The following KCNIP4 variants were observed in gnomAD, a reference collection of about 807,000 sequenced individuals.
KCNIP4 encodes potassium voltage-gated channel interacting protein 4.
Under a neutral mutation model 34.0 loss-of-function variants are expected in KCNIP4, and 12 were observed. The observed-to-expected ratio is 0.35, with a 90% CI of 0.23 to 0.57. KCNIP4 has a LOEUF of 0.57. Among genes scored for constraint, KCNIP4 ranks in the 20% least tolerant of loss-of-function variants. The pLI is 0.83. For synonymous variants in KCNIP4, 124 were observed against 102.2 expected (o/e 1.21, Z -1.29); for missense variants, 238 against 311.7 (o/e 0.76, Z 1.78).
intron 3 of KCNIP4, among the ~76,000 whole-genome samples, chr4:20,796,796 G>C (rs1560470972): frequency 6.6e-6 from 1 of 151,702 alleles, no homozygotes; most frequent in Non-Finnish European, 1.5e-5. Flanking sequence ...GTAATAGATG[G>C]AAAAAAACAG....
intron 1 of KCNIP4, among the ~76,000 whole-genome samples, chr4:20,949,677 C>A (rs992805822): frequency 4.6e-5 from 7 of 151,870 alleles, no homozygotes; most frequent in Admixed American, 1.3e-4. Flanking sequence ...ACTATGCAGC[C>A]ATAAAAAATG....
intron 3 of KCNIP4, among the ~76,000 whole-genome samples, chr4:20,849,272 C>G (rs934342557): frequency 6.6e-6 from 1 of 151,940 alleles, no homozygotes; most frequent in Non-Finnish European, 1.5e-5. Context: ...GGAGAAGAAA[C>G]AAATTTACTC....
intron 1 of KCNIP4, among the ~76,000 whole-genome samples, chr4:21,812,171 G>T (rs929185385): frequency 6.6e-6 from 1 of 152,148 alleles, no homozygotes; most frequent in Non-Finnish European, 1.5e-5. Flanking sequence ...CTTTATTTTA[G>T]ATTATCATCA....
At chr4:20,836,858 C>T (rs1316770679) in intron 3 of KCNIP4, among the ~76,000 whole-genome samples, 2 of 146,414 alleles carry the variant, frequency 1.4e-5, no homozygotes. Context: ...GAGTCTCTTT[C>T]ATAGAGTTCT....
At position 21,186,507 on chromosome 4, in the gene KCNIP4, A is replaced by C. The variant is rs756623743; in HGVS notation, c.62-303798T>G. Among the ~76,000 whole-genome samples, 3 of 152,366 alleles carry C rather than the reference A, an allele frequency of 2.0e-5. No homozygotes were observed. The East Asian group carries it at 5.8e-4, about 29-fold the overall frequency. On this transcript the variant is annotated intron_variant, in intron 1 of 8. Coordinates refer to ENST00000382152, the MANE Select transcript of KCNIP4 (RefSeq NM_025221.6). ...GTATGTCACCTTTTCAAGCATCTCT[A>C]AGTGAAATTGGTTCAGATTCCTAAT... is the stretch of plus-strand genomic sequence containing the variant.
chr4:20,763,829 A>C (rs1451494279), intron 3 of KCNIP4, among the ~76,000 whole-genome samples: 3 of 152,140 alleles, frequency 2.0e-5, no homozygotes, highest in Non-Finnish European at 4.4e-5. Flanking sequence ...AAGTGCTGGG[A>C]TTACAGGTGT....
intron 1 of KCNIP4, among the ~76,000 whole-genome samples, chr4:20,922,548 TCTATCTA>T (rs1184269144): frequency 4.5e-4 from 2 of 4,482 alleles, no homozygotes; most frequent in African/African-American, 2.6e-3. Flanking sequence ...TGTCTGTCTG[TCTATCTA>T]TCTATCTATC....
chr4:20,927,938 T>A (rs1259581348), intron 1 of KCNIP4, among the ~76,000 whole-genome samples: 1 of 152,156 alleles, frequency 6.6e-6, no homozygotes, highest in African/African-American at 2.4e-5. Flanking sequence ...TTTCTAGGGC[T>A]TGTTAATCTT....
At chr4:21,076,044 G>A (rs1340055680) in intron 1 of KCNIP4, among the ~76,000 whole-genome samples, 6 of 152,070 alleles carry the variant, frequency 3.9e-5, no homozygotes, top group African/African-American at 9.7e-5. Flanking sequence ...TGGGTAACCC[G>A]ACCTTTCTCT....
intron 1 of KCNIP4, chr4:21,846,244 T>C (rs1190051185): frequency 6.6e-6 from 1 of 152,098 alleles, no homozygotes; most frequent in Non-Finnish European, 1.5e-5. Context: ...ATTTGTAACA[T>C]AAATTCAATT....
At chr4:20,939,474 A>C (rs1272902623) in intron 1 of KCNIP4, among the ~76,000 whole-genome samples, 1 of 152,050 alleles carries the variant, frequency 6.6e-6, no homozygotes, top group African/African-American at 2.4e-5. Flanking sequence ...CCCAGGTTCA[A>C]GCGATTCTCC....
intron 1 of KCNIP4, among the ~76,000 whole-genome samples, chr4:21,149,917 G>A (rs1752640676): frequency 6.6e-6 from 1 of 152,128 alleles, no homozygotes. Context: ...CACTGTGTTG[G>A]AAATGTCCTT....
intron 1 of KCNIP4, among the ~76,000 whole-genome samples, chr4:21,946,175 T>G (rs1362615933): frequency 1.3e-5 from 2 of 151,918 alleles, no homozygotes; most frequent in African/African-American, 4.8e-5. Flanking sequence ...AGCAAACCAT[T>G]TTTCACAGTG....
chr4:21,668,234 T>TG (rs879761694), intron 1 of KCNIP4, among the ~76,000 whole-genome samples: 61 of 151,708 alleles, frequency 4.0e-4, no homozygotes, highest in Admixed American at 1.1e-3. Flanking sequence ...TATTGGGCAG[T>TG]TGGGGGTGAG....
chr4:21,628,735 TA>T (rs1745506632), intron 1 of KCNIP4, among the ~76,000 whole-genome samples: 1 of 152,176 alleles, frequency 6.6e-6, no homozygotes, highest in Admixed American at 6.6e-5. Context: ...AGTATCTCCC[TA>T]CCAATAATAA....
chr4:21,474,363 G>GA (rs1223836514), intron 1 of KCNIP4, among the ~76,000 whole-genome samples: 1 of 152,054 alleles, frequency 6.6e-6, no homozygotes, highest in Admixed American at 6.5e-5. Flanking sequence ...GTCTGCAGAT[G>GA]AAAAAAGCAA....
At position 20,999,414 on chromosome 4, in the gene KCNIP4, G is replaced by GTTTTT. The variant is rs5856594; in HGVS notation, c.62-116710_62-116706dup. 9.4e-5 allele frequency among the ~76,000 whole-genome samples: 9 copies of GTTTTT among 95,344 alleles called. 2 individuals carry two copies. The highest frequency in any genetic ancestry group is 3.7e-4 in the African/African-American group (8 of 21,380). 62.5% of individuals were successfully genotyped at this position (95,344 alleles called of 152,430 possible). On this transcript the variant is annotated intron_variant, in intron 1 of 8. Transcript: ENST00000382152. ...AAAAGAGGGTTTTTGTTGTGGTGGT[G>GTTTTT]TTTTTTTTTTTTGTTTGTTTTTTGT...
At chr4:21,493,905 T>A (rs1732626544) in intron 1 of KCNIP4, among the ~76,000 whole-genome samples, 1 of 152,244 alleles carries the variant, frequency 6.6e-6, no homozygotes, top group Non-Finnish European at 1.5e-5. Context: ...CACTATTATC[T>A]GGGGCTAGAG....
rs531729833 is a variant in KCNIP4 at position 21,628,098 on chromosome 4, G to C, written c.61+320473C>G. ...AAGTTACATGAGCCTGGATTCCTCTGTAAGTATTGCTTACTTTACCTCATT... is the reference window on the plus strand; with the variant it reads ...AAGTTACATGAGCCTGGATTCCTCTCTAAGTATTGCTTACTTTACCTCATT... On this transcript the variant is annotated intron_variant, in intron 1 of 8. Transcript: ENST00000382152. 2.1e-3 allele frequency among the ~76,000 whole-genome samples: 320 copies of C among 152,144 alleles called. 2 individuals carry two copies. Among genetic ancestry groups the C allele is most frequent in the African/African-American group, 7.3e-3 (303 of 41,514 alleles).
Sources: allele counts gnomAD v4.1 joint callset (sites outside exome capture counted in the v4.1 genomes callset), GRCh38; gene constraint gnomAD v4.1.1; transcripts MANE v1.5; gene names NCBI Gene and HGNC (gene_info 2026-07-23, HGNC 2026-07-21).